MCUB: variants seen among roughly 807,000 people sequenced by gnomAD.
The protein encoded by MCUB is calcium uniporter regulatory subunit MCUb, mitochondrial.
Under a neutral mutation model 41.4 loss-of-function variants are expected in MCUB, and 46 were observed. The ratio of observed to expected loss-of-function variants is 1.11; its 90% confidence interval spans 0.88 to 1.42. The LOEUF (loss-of-function observed/expected upper bound fraction) is 1.42, where lower values mean the gene tolerates loss of function less well. Ranked by LOEUF, MCUB falls within the 40% of genes most tolerant of loss-of-function variation. The pLI is 0.00. For missense variants in MCUB, 403 were observed against 404.9 expected (o/e 1.00, Z 0.04); for synonymous variants, 148 against 148.2 (o/e 1.00, Z 0.01).
At chr4:109,635,506 G>A (rs987618636) in intron 1 of MCUB, among the ~76,000 whole-genome samples, 3 of 152,126 alleles carry the variant, frequency 2.0e-5, no homozygotes, top group Non-Finnish European at 4.4e-5. Flanking sequence ...AAAGGCTAGG[G>A]TAGGAGGGCC....
chr4:109,560,327 G>C lies in MCUB; in HGVS notation c.-11G>C. ...TGACGCCTGCGGGAGCCGCGCGCCT[G>C]GGGCGGGAGGATGCTCCAGAGGGGC... On this transcript the variant is annotated 5_prime_UTR_variant, in exon 1 of 8. Transcript: ENST00000394650. 1 of 1,242,342 alleles carries C rather than the reference G, an allele frequency of 8.0e-7. No individual in the cohort carries two copies. Among genetic ancestry groups the C allele is most frequent in the Non-Finnish European group, 1.0e-6 (1 of 988,952 alleles). The allele number at this position is 1,242,342 out of a possible 1,614,324, so 77.0% of individuals were successfully genotyped here.
At chr4:109,626,144 T>G (rs889212603) in intron 1 of MCUB, among the ~76,000 whole-genome samples, 1 of 152,200 alleles carries the variant, frequency 6.6e-6, no homozygotes, top group Admixed American at 6.5e-5. Flanking sequence ...CTGTTTACAC[T>G]AAGCACTTGA....
At chr4:109,634,920 A>C (rs1194648210) in intron 1 of MCUB, among the ~76,000 whole-genome samples, 1 of 152,182 alleles carries the variant, frequency 6.6e-6, no homozygotes, top group East Asian at 1.9e-4. Context: ...CGTCATCTAC[A>C]TTAGGTATTT....
chr4:109,676,158 G>C (rs1464623268), intron 4 of MCUB, among the ~76,000 whole-genome samples: 6 of 152,098 alleles, frequency 3.9e-5, no homozygotes, highest in Admixed American at 3.3e-4. Flanking sequence ...GGACAATTCT[G>C]GTCAGGGCTC....
chr4:109,658,521 T>C (rs1729156159), intron 1 of MCUB, among the ~76,000 whole-genome samples: 1 of 152,164 alleles, frequency 6.6e-6, no homozygotes, highest in Non-Finnish European at 1.5e-5. Flanking sequence ...GGTCGCGAAC[T>C]CCTGACCTCA....
chr4:109,669,053 A>T (rs1211586321), intron 4 of MCUB, among the ~76,000 whole-genome samples: 1 of 152,122 alleles, frequency 6.6e-6, no homozygotes, highest in Admixed American at 6.5e-5. Flanking sequence ...ACCGACTGTT[A>T]TCTAGTAGAT....
intron 1 of MCUB, among the ~76,000 whole-genome samples, chr4:109,573,467 A>AT (rs1259538903): frequency 2.6e-5 from 4 of 151,460 alleles, no homozygotes; most frequent in Non-Finnish European, 1.5e-5. Context: ...AAAAAAAAAA[A>AT]GGAAGAGTGG....
chr4:109,641,780 C>T (rs4698773), intron 1 of MCUB, among the ~76,000 whole-genome samples: 2 of 152,022 alleles, frequency 1.3e-5, no homozygotes, highest in Admixed American at 1.3e-4. Flanking sequence ...TGTGAAGGAA[C>T]CTTCTGATTT....
At chr4:109,634,533 T>C (rs1728547819) in intron 1 of MCUB, among the ~76,000 whole-genome samples, 1 of 151,368 alleles carries the variant, frequency 6.6e-6, no homozygotes, top group Non-Finnish European at 1.5e-5. Context: ...TTTTAGTCAC[T>C]ACCTAAGCCC....
At chr4:109,681,343 T>G (rs1309966678) in intron 4 of MCUB, 3 of 340,798 alleles carry the variant, frequency 8.8e-6, no homozygotes, top group Non-Finnish European at 1.8e-5. Context: ...CAAAAGCTAC[T>G]AAAGTTTGTC....
chr4:109,678,635 C>T (rs1297368273), intron 4 of MCUB, among the ~76,000 whole-genome samples: 6 of 142,534 alleles, frequency 4.2e-5, no homozygotes, highest in Non-Finnish European at 9.1e-5. Flanking sequence ...GACGGGGTGG[C>T]GGCCGGGCAG....
intron 1 of MCUB, among the ~76,000 whole-genome samples, chr4:109,641,670 A>G (rs1303467696): frequency 6.6e-6 from 1 of 152,212 alleles, no homozygotes; most frequent in African/African-American, 2.4e-5. Flanking sequence ...GTATTTGTGA[A>G]ATGTGATCAA....
intron 1 of MCUB, among the ~76,000 whole-genome samples, chr4:109,652,376 C>G (rs1337318359): frequency 6.6e-6 from 1 of 152,158 alleles, no homozygotes; most frequent in Non-Finnish European, 1.5e-5. Flanking sequence ...AAGCCATAAT[C>G]TTGATTATAC....
chr4:109,666,418 A>T (rs561428919), intron 4 of MCUB, among the ~76,000 whole-genome samples: 1 of 152,334 alleles, frequency 6.6e-6, no homozygotes, highest in Admixed American at 6.5e-5. Flanking sequence ...TCCTACCAGC[A>T]GTGAATGAGA....
intron 1 of MCUB, among the ~76,000 whole-genome samples, chr4:109,595,711 G>A (rs549656443): frequency 6.6e-6 from 1 of 152,422 alleles, no homozygotes; most frequent in African/African-American, 2.4e-5. Context: ...CATTGTTTTG[G>A]TATGACTGTG....
chr4:109,580,885 A>G (rs1727156101), intron 1 of MCUB, among the ~76,000 whole-genome samples: 1 of 152,086 alleles, frequency 6.6e-6, no homozygotes, highest in African/African-American at 2.4e-5. Context: ...GTTTAATTAG[A>G]TCCCATTTGT....
intron 1 of MCUB, among the ~76,000 whole-genome samples, chr4:109,652,471 C>G (rs949886723): frequency 1.3e-5 from 2 of 152,128 alleles, no homozygotes; most frequent in East Asian, 3.8e-4. Context: ...TAATAATGAA[C>G]AGAAATGTAT....
intron 1 of MCUB, among the ~76,000 whole-genome samples, chr4:109,613,360 C>G (rs1196899634): frequency 1.3e-5 from 2 of 152,126 alleles, no homozygotes; most frequent in Non-Finnish European, 2.9e-5. Context: ...TGAGGTCTCT[C>G]GCAGGCTGAA....
chr4:109,597,883 T>C (rs1331793272), intron 1 of MCUB, among the ~76,000 whole-genome samples: 3 of 139,940 alleles, frequency 2.1e-5, no homozygotes, highest in Non-Finnish European at 3.1e-5. Flanking sequence ...TCAGACGGGG[T>C]GGCTGGGCAG....
Sources: gnomAD v4.1 joint callset for allele counts (sites outside exome capture counted in the v4.1 genomes callset) on GRCh38, gnomAD v4.1.1 for gene constraint, MANE v1.5 for transcripts, NCBI Gene and HGNC (gene_info 2026-07-23, HGNC 2026-07-21) for gene names.